IPPK: variants seen among roughly 807,000 people sequenced by gnomAD.
IPPK encodes the protein inositol-pentakisphosphate 2-kinase.
In IPPK, 22 loss-of-function variants were observed where a neutral mutation model predicts 64.6. The observed-to-expected ratio is 0.34, with a 90% CI of 0.24 to 0.49. IPPK has a LOEUF of 0.49. Ranked by LOEUF, IPPK falls within the 20% of genes least tolerant of loss-of-function variation. The pLI is 0.99. For missense variants in IPPK, 532 were observed against 630.7 expected (o/e 0.84, Z 1.68); for synonymous variants, 262 against 247.2 (o/e 1.06, Z -0.56).
At chr9:92,664,634 A>T (rs992182422) in intron 1 of IPPK, among the ~76,000 whole-genome samples, 1 of 152,174 alleles carries the variant, frequency 6.6e-6, no homozygotes, top group South Asian at 2.1e-4. Context: ...GGAAAGCCTC[A>T]CTGCCTGTAA....
chr9:92,666,747 T>C (rs1452141932), intron 1 of IPPK, among the ~76,000 whole-genome samples: 6 of 152,144 alleles, frequency 3.9e-5, no homozygotes, highest in Admixed American at 2.6e-4. Flanking sequence ...TGGAAGGGCC[T>C]TGGGGAAGCT....
intron 9 of IPPK, 106 bp downstream of exon 9, chr9:92,637,895 C>A (rs1851971624): frequency 7.9e-7 from 1 of 1,258,688 alleles, no homozygotes; most frequent in Admixed American, 3.0e-5. Context: ...TGGCATCCCC[C>A]AGAGCCCCCA....
intron 7 of IPPK, among the ~76,000 whole-genome samples, chr9:92,642,143 AG>A (rs776826177): frequency 1.4e-4 from 21 of 152,356 alleles, no homozygotes; most frequent in Non-Finnish European, 2.4e-4. Flanking sequence ...CTGGGCCCCC[AG>A]GCCCCACTGC....
At chr9:92,669,496 G>C (rs1416465758) in intron 1 of IPPK, among the ~76,000 whole-genome samples, 5 of 152,160 alleles carry the variant, frequency 3.3e-5, no homozygotes, top group Admixed American at 6.5e-5. Flanking sequence ...AGTGCTGGCC[G>C]GGCCCTCCGT....
intron 11 of IPPK, among the ~76,000 whole-genome samples, chr9:92,624,440 C>A (rs972105731): frequency 2.6e-5 from 4 of 151,024 alleles, no homozygotes; most frequent in Non-Finnish European, 5.9e-5. Context: ...GCCTGGGTGA[C>A]AGAGCAAGAC....
At chr9:92,654,204 A>AT (rs1852325784) in intron 3 of IPPK, among the ~76,000 whole-genome samples, 1 of 152,198 alleles carries the variant, frequency 6.6e-6, no homozygotes, top group Non-Finnish European at 1.5e-5. Context: ...TATAATATGC[A>AT]TATCTGTGTT....
intron 11 of IPPK, among the ~76,000 whole-genome samples, chr9:92,632,927 C>T (rs1851871631): frequency 6.6e-6 from 1 of 152,220 alleles, no homozygotes; most frequent in South Asian, 2.1e-4. Context: ...CGCCAGCTCG[C>T]TCCAGAACAG....
intron 4 of IPPK, among the ~76,000 whole-genome samples, chr9:92,650,961 C>T (rs770434223): frequency 2.0e-5 from 3 of 152,176 alleles, no homozygotes; most frequent in Admixed American, 6.5e-5. Flanking sequence ...TACTCCAAGT[C>T]TGGTTTTTAT....
At chr9:92,628,035 C>T (rs192694623) in intron 11 of IPPK, among the ~76,000 whole-genome samples, 1 of 152,158 alleles carries the variant, frequency 6.6e-6, no homozygotes, top group Non-Finnish European at 1.5e-5. Context: ...TGTATTTCTA[C>T]ACCTGAATAC....
intron 1 of IPPK, among the ~76,000 whole-genome samples, chr9:92,666,744 G>C (rs1852605954): frequency 6.6e-6 from 1 of 152,170 alleles, no homozygotes; most frequent in African/African-American, 2.4e-5. Context: ...GAGTGGAAGG[G>C]CCTTGGGGAA....
At chr9:92,647,846 G>A (rs1223047566) in intron 6 of IPPK, among the ~76,000 whole-genome samples, 1 of 152,128 alleles carries the variant, frequency 6.6e-6, no homozygotes, top group Non-Finnish European at 1.5e-5. Flanking sequence ...GAGTATGATT[G>A]CATCACTGCA....
chr9:92,635,869 C>T lies in IPPK; in HGVS notation c.917-561G>A, dbSNP rs1851932608. On this transcript the variant is annotated intron_variant, in intron 9 of 12. Coordinates refer to ENST00000287996, the MANE Select transcript of IPPK (RefSeq NM_022755.6). This position sits in a 1 kb window ranked among gnomAD's most constrained non-coding sequence, Gnocchi z 4.4. ...CCACTAAAGGAGGAAAACCCTGGGA[C>T]ACTGTCTGCAGAGTCCAGAGCCATG... Among the ~76,000 whole-genome samples, 1 of 152,124 alleles carries T rather than the reference C, an allele frequency of 6.6e-6. No homozygotes were observed. The highest frequency in any genetic ancestry group is 6.5e-5 in the Admixed American group (1 of 15,272).
chr9:92,642,393 C>T lies in IPPK; in HGVS notation c.563+359G>A, dbSNP rs1055354041. ...ACTGCAGCAGCAGACTTTTTAATAT[C>T]CACAGAGGAGGGAGAGATCAAAGGC... On this transcript the variant is annotated intron_variant, in intron 7 of 12. Coordinates refer to ENST00000287996, the MANE Select transcript of IPPK (RefSeq NM_022755.6). Among the ~76,000 whole-genome samples, 3 of 152,262 alleles carry T rather than the reference C, an allele frequency of 2.0e-5. No homozygotes were observed. The East Asian group carries it at 5.8e-4, about 29-fold the overall frequency.
Position 92,620,925 on chromosome 9 carries a change from C to A in IPPK, c.1171-1360G>T, listed in dbSNP as rs1165190977. Among the ~76,000 whole-genome samples, 4 of 152,204 alleles carry A rather than the reference C, an allele frequency of 2.6e-5. No homozygotes were observed. In the East Asian group the frequency reaches 7.7e-4, roughly 29 times the overall value. ...GGCTGCTATCACGAAATGCCCAAAA[C>A]TGGTAGCTTATAAACAACAGAAACT... On this transcript the variant is annotated intron_variant, in intron 11 of 12. Coordinates refer to ENST00000287996, the MANE Select transcript of IPPK (RefSeq NM_022755.6).
intron 2 of IPPK, 67 bp downstream of exon 2, chr9:92,658,567 C>T (rs748547188): frequency 3.8e-6 from 5 of 1,325,378 alleles, no homozygotes; most frequent in South Asian, 1.2e-5. Context: ...GTTTCTACAT[C>T]GGAAAAAAAA....
intron 7 of IPPK, among the ~76,000 whole-genome samples, chr9:92,641,312 T>C (rs1852042013): frequency 1.3e-5 from 2 of 152,072 alleles, no homozygotes; most frequent in Non-Finnish European, 2.9e-5. Flanking sequence ...CGGAGGAACC[T>C]CTGGAGGCCA....
intron 6 of IPPK, 58 bp from the exon 7 acceptor site, chr9:92,642,868 C>T: frequency 7.9e-7 from 1 of 1,270,156 alleles, no homozygotes; most frequent in South Asian, 1.2e-5. Flanking sequence ...TGCACTGTGC[C>T]AACTGAACAC....
Position 92,638,174 on chromosome 9 carries a change from G to C in IPPK, c.743C>G (p.Ala248Gly), listed in dbSNP as rs771932914. ...KPFFFPSNGL[A>G]SGPHCTRAVI... ...AGCCCTTGTGCAGTGGGGCCCACTG[G>C]CCAGGCCGTTGGAAGGGAAGAAGAA... is the stretch of plus-strand genomic sequence containing the variant. Residue 248 changes from alanine (A) to glycine (G), a missense_variant, in exon 9 of 13, where the codon GCC becomes GGC. Physicochemically the swap from Ala to Gly is moderately conservative, Grantham distance 60. Coordinates refer to ENST00000287996, the MANE Select transcript of IPPK (RefSeq NM_022755.6). 6.2e-7 allele frequency: 1 copy of C among 1,614,260 alleles called. No homozygotes were observed. The highest frequency in any genetic ancestry group is 8.5e-7 in the Non-Finnish European group (1 of 1,180,042).
At chr9:92,647,986 G>T in intron 6 of IPPK, 73 bp downstream of exon 6, 1 of 899,680 alleles carries the variant, frequency 1.1e-6, no homozygotes, top group Non-Finnish European at 1.7e-6. Flanking sequence ...TCTGAAAACT[G>T]TGTGTGTCCA....
Sources: allele counts gnomAD v4.1 joint callset (sites outside exome capture counted in the v4.1 genomes callset), GRCh38; gene constraint gnomAD v4.1.1; non-coding constraint Gnocchi (gnomAD v3.1); transcripts MANE v1.5; gene names NCBI Gene and HGNC (gene_info 2026-07-23, HGNC 2026-07-21).